The following NCOA2 variants were observed in gnomAD, a reference collection of about 807,000 sequenced individuals.
NCOA2 encodes the protein class E basic helix-loop-helix protein 75.
NCOA2 carries 21 observed loss-of-function variants against 145.1 expected under a neutral mutation model. The observed-to-expected ratio is 0.14, with a 90% CI of 0.10 to 0.21. The LOEUF is 0.21. NCOA2 is among the 10% of genes least tolerant of loss of function. The pLI, the probability that NCOA2 is intolerant of heterozygous loss-of-function variation, is 1.00. For synonymous variants in NCOA2, 619 were observed against 637.5 expected, an observed-to-expected ratio of 0.97 and a Z score of 0.44; for missense variants, 1,472 against 1,837.6, an observed-to-expected ratio of 0.80 and a Z score of 3.64.
the NCOA2 span, among the ~76,000 whole-genome samples, chr8:70,432,006 T>A: frequency 6.6e-6 from 1 of 152,340 alleles, no homozygotes; most frequent in Middle Eastern, 3.4e-3. Context: ...TAGTAAATGG[T>A]AAAATCAGAG....
rs1585799159 is a variant in NCOA2, at chr8:70,139,708, A to G, written c.3029-1376T>C. 2.3e-5 allele frequency among the ~76,000 whole-genome samples: 3 copies of G among 129,958 alleles called. No individual in the cohort carries two copies. The South Asian group carries it at 7.2e-4, about 31-fold the overall frequency. 85.3% of individuals were successfully genotyped at this position (129,958 alleles called of 152,430 possible). On this transcript the variant is annotated intron_variant, in intron 14 of 22. Coordinates refer to ENST00000452400, the MANE Select transcript of NCOA2 (RefSeq NM_006540.4). ...CACTCTGTTGCCCAGGCTGGAATGCAGTGTTGCAGTCACAGCTCACTGCAA... is the reference window on the plus strand; with the variant it reads ...CACTCTGTTGCCCAGGCTGGAATGCGGTGTTGCAGTCACAGCTCACTGCAA...
intron 2 of NCOA2, among the ~76,000 whole-genome samples, chr8:70,239,814 A>T (rs1371159372): frequency 6.6e-6 from 1 of 152,216 alleles, no homozygotes; most frequent in Non-Finnish European, 1.5e-5. Flanking sequence ...ACAAGATAAT[A>T]AAGTTACAAG....
At chr8:70,282,686 CAA>C (rs550448805) in intron 2 of NCOA2, among the ~76,000 whole-genome samples, 48 of 97,172 alleles carry the variant, frequency 4.9e-4, no homozygotes, top group Non-Finnish European at 5.4e-4. Flanking sequence ...AAAACTGCCT[CAA>C]AAAAAAAAAA....
At chr8:70,422,376 T>C in the NCOA2 span, among the ~76,000 whole-genome samples, 1 of 152,022 alleles carries the variant, frequency 6.6e-6, no homozygotes, top group Non-Finnish European at 1.5e-5. Flanking sequence ...TATCCTTGTA[T>C]GTGAATTATT....
chr8:70,356,391 C>T (rs1809696124), intron 1 of NCOA2, among the ~76,000 whole-genome samples: 1 of 152,174 alleles, frequency 6.6e-6, no homozygotes, highest in Non-Finnish European at 1.5e-5. Context: ...AATCACTCCA[C>T]TAGTCATTCT....
intron 1 of NCOA2, among the ~76,000 whole-genome samples, chr8:70,306,568 C>T (rs150167486): frequency 1.1e-4 from 17 of 152,220 alleles, no homozygotes; most frequent in African/African-American, 3.9e-4. Context: ...GAAACAGATG[C>T]CAGTTCCCCT....
At chr8:70,278,960 T>C (rs1422489747) in intron 2 of NCOA2, among the ~76,000 whole-genome samples, 1 of 151,078 alleles carries the variant, frequency 6.6e-6, no homozygotes, top group African/African-American at 2.4e-5. Flanking sequence ...AGCAAGACTC[T>C]TGTCTCCCCC....
At chr8:70,196,796 A>C (rs1454056790) in intron 4 of NCOA2, among the ~76,000 whole-genome samples, 1 of 152,238 alleles carries the variant, frequency 6.6e-6, no homozygotes, top group East Asian at 1.9e-4. Flanking sequence ...GCAAAGTTGA[A>C]GACATGACAA....
At chr8:70,435,698 T>C in the NCOA2 span, among the ~76,000 whole-genome samples, 3 of 150,894 alleles carry the variant, frequency 2.0e-5, no homozygotes, top group African/African-American at 7.3e-5. Flanking sequence ...TATATATATA[T>C]AAGTATAATA....
intron 11 of NCOA2, among the ~76,000 whole-genome samples, chr8:70,155,301 T>G (rs758064374): frequency 6.6e-5 from 10 of 152,202 alleles, no homozygotes; most frequent in African/African-American, 1.4e-4. Context: ...AGAAGTTTAG[T>G]TAAGAATAAA....
intron 1 of NCOA2, among the ~76,000 whole-genome samples, chr8:70,331,590 A>G (rs990206488): frequency 6.6e-6 from 1 of 152,136 alleles, no homozygotes; most frequent in Admixed American, 6.5e-5. Context: ...AAAGTCTAAC[A>G]TTTTGATGTT....
At chr8:70,150,021 A>ACATC (rs1475097867) in intron 11 of NCOA2, among the ~76,000 whole-genome samples, 2 of 152,232 alleles carry the variant, frequency 1.3e-5, no homozygotes, top group African/African-American at 2.4e-5. Flanking sequence ...AGCAAATTTA[A>ACATC]CATCCATATG....
intron 2 of NCOA2, among the ~76,000 whole-genome samples, chr8:70,260,785 A>C (rs1421248672): frequency 6.6e-6 from 1 of 152,246 alleles, no homozygotes; most frequent in Non-Finnish European, 1.5e-5. Context: ...TTCCTTAAAA[A>C]ATGGACTGTC....
At chr8:70,244,430 T>A (rs1037025827) in intron 2 of NCOA2, among the ~76,000 whole-genome samples, 3 of 152,090 alleles carry the variant, frequency 2.0e-5, no homozygotes, top group Admixed American at 2.0e-4. Flanking sequence ...ATTAACTGTA[T>A]GTTATTTAGC....
At chr8:70,161,816 C>A (rs537307168) in intron 9 of NCOA2, among the ~76,000 whole-genome samples, 1 of 152,170 alleles carries the variant, frequency 6.6e-6, no homozygotes, top group South Asian at 2.1e-4. Context: ...CCTGGCCAAC[C>A]GCACTGCTGG....
chr8:70,432,461 A>C, the NCOA2 span, among the ~76,000 whole-genome samples: 1 of 152,132 alleles, frequency 6.6e-6, no homozygotes, highest in African/African-American at 2.4e-5. Context: ...CAGGGGTTTG[A>C]GATCAGCCTG....
chr8:70,451,034 G>C, the NCOA2 span, among the ~76,000 whole-genome samples: 1 of 149,876 alleles, frequency 6.7e-6, no homozygotes, highest in Admixed American at 6.6e-5. Flanking sequence ...TGGGTAACAT[G>C]GTGAAAGCCT....
At chr8:70,453,311 C>T in the NCOA2 span, among the ~76,000 whole-genome samples, 3 of 152,238 alleles carry the variant, frequency 2.0e-5, no homozygotes, top group African/African-American at 7.2e-5. Context: ...GGCAGGTAGA[C>T]AGCAAGGAGA....
intron 1 of NCOA2, among the ~76,000 whole-genome samples, chr8:70,386,618 A>G (rs999693606): frequency 6.6e-6 from 1 of 152,254 alleles, no homozygotes; most frequent in Non-Finnish European, 1.5e-5. Flanking sequence ...TTATTAAAAA[A>G]GATAATTCTA....
Sources: gnomAD v4.1 joint callset for allele counts (sites outside exome capture counted in the v4.1 genomes callset) on GRCh38, gnomAD v4.1.1 for gene constraint, MANE v1.5 for transcripts, NCBI Gene and HGNC (gene_info 2026-07-23, HGNC 2026-07-21) for gene names.